Variants in WASF3 observed in about 807,000 individuals in gnomAD.
The protein encoded by WASF3 is actin-binding protein WASF3.
WASF3 carries 11 observed loss-of-function variants against 46.6 expected under a neutral mutation model. That is an observed-to-expected ratio of 0.24 (90% CI 0.15 to 0.39). The LOEUF (loss-of-function observed/expected upper bound fraction) is 0.39, where lower values mean the gene tolerates loss of function less well. WASF3 is among the 10% of genes least tolerant of loss of function. The pLI, the probability that WASF3 is intolerant of heterozygous loss-of-function variation, is 1.00. For missense variants in WASF3, 576 were observed against 669.8 expected (o/e 0.86, Z 1.55); for synonymous variants, 242 against 259.7 (o/e 0.93, Z 0.65).
intron 3 of WASF3, among the ~76,000 whole-genome samples, chr13:26,662,825 G>A (rs952159544): frequency 2.4e-4 from 36 of 152,222 alleles, no homozygotes; most frequent in Admixed American, 6.5e-4. Flanking sequence ...TTAAAAAACC[G>A]GGGAAAAAAG....
intron 2 of WASF3, among the ~76,000 whole-genome samples, chr13:26,628,810 G>A (rs1316470970): frequency 6.6e-6 from 1 of 152,176 alleles, no homozygotes; most frequent in Non-Finnish European, 1.5e-5. Flanking sequence ...AAGTTCCCCT[G>A]GGCTGTTGGT....
intron 7 of WASF3, among the ~76,000 whole-genome samples, chr13:26,677,826 G>A (rs1040521093): frequency 3.3e-5 from 5 of 152,166 alleles, no homozygotes; most frequent in Non-Finnish European, 1.5e-5. Context: ...GAACTTAATA[G>A]CTCCCATGAT....
chr13:26,664,423 A>G lies in WASF3; in HGVS notation c.134-605A>G, dbSNP rs112690719. Among the ~76,000 whole-genome samples the G allele has an allele frequency of 3.6e-3, 546 of 152,344 alleles. 1 individual carries two copies. Among genetic ancestry groups the G allele is most frequent in the Middle Eastern group, 6.8e-3 (2 of 292 alleles). On this transcript the variant is annotated intron_variant, in intron 3 of 9. Transcript: ENST00000335327. ...TTTTCAGAAATGTTACATTTTAAGA[A>G]AAGTGGGAGTTATATCTGGCACTCA... is the stretch of plus-strand genomic sequence containing the variant.
At chr13:26,625,850 C>T (rs1421998661) in intron 2 of WASF3, among the ~76,000 whole-genome samples, 1 of 152,010 alleles carries the variant, frequency 6.6e-6, no homozygotes, top group African/African-American at 2.4e-5. Flanking sequence ...GTGTGATAAG[C>T]TAAAAATGTA....
intron 1 of WASF3, among the ~76,000 whole-genome samples, chr13:26,600,703 C>G (rs927673842): frequency 1.2e-4 from 18 of 152,310 alleles, no homozygotes; most frequent in African/African-American, 3.9e-4. Flanking sequence ...GTTTTAGCTC[C>G]TCTTTCATGA....
intron 6 of WASF3, among the ~76,000 whole-genome samples, chr13:26,672,532 T>G (rs1279328585): frequency 6.6e-6 from 1 of 152,198 alleles, no homozygotes; most frequent in Non-Finnish European, 1.5e-5. Flanking sequence ...CTGCATGCAT[T>G]ACAAGCAGTC....
chr13:26,592,309 G>A (rs1880327300), intron 1 of WASF3, among the ~76,000 whole-genome samples: 1 of 152,124 alleles, frequency 6.6e-6, no homozygotes, highest in African/African-American at 2.4e-5. Context: ...TTGCGGGAGT[G>A]AATCTGTTTT....
upstream of WASF3, among the ~76,000 whole-genome samples, chr13:26,554,917 T>C (rs1290568375): frequency 6.6e-6 from 1 of 152,210 alleles, no homozygotes; most frequent in Admixed American, 6.5e-5. Flanking sequence ...ATGGCTGGAC[T>C]GAATTGTGAG....
rs1288827730 is a variant in WASF3, at chr13:26,681,245, A to G, written c.908A>G (p.Gln303Arg). 6.2e-7 allele frequency: 1 copy of G among 1,613,362 alleles called. No individual in the cohort carries two copies. The change falls in exon 8 of 10, where the codon CAG (glutamine) becomes CGG (arginine). Residue 303 changes from glutamine (Q) to arginine (R), a missense_variant. Gln to Arg is a conservative substitution (Grantham distance 43, BLOSUM62 1). Coordinates refer to ENST00000335327, the MANE Select transcript of WASF3 (RefSeq NM_006646.6). ...ARHMALNRPQ[Q>R]PPPPPPPQAP... ...CACATGGCCCTCAACAGACCTCAGC[A>G]GCCGCCCCCCCCGCCTCCCCCTCAG...
chr13:26,656,799 A>G (rs1040420712), intron 3 of WASF3, among the ~76,000 whole-genome samples: 5 of 152,148 alleles, frequency 3.3e-5, no homozygotes, highest in African/African-American at 1.2e-4. Flanking sequence ...ACTACCATAT[A>G]TAATCTATAG....
At chr13:26,586,366 C>T (rs749928519) in intron 1 of WASF3, among the ~76,000 whole-genome samples, 3 of 151,922 alleles carry the variant, frequency 2.0e-5, no homozygotes, top group Non-Finnish European at 4.4e-5. Flanking sequence ...AATGAGTATC[C>T]AGTTGTTATA....
intron 2 of WASF3, among the ~76,000 whole-genome samples, chr13:26,623,478 C>T (rs1881367988): frequency 6.6e-6 from 1 of 152,188 alleles, no homozygotes; most frequent in Non-Finnish European, 1.5e-5. Context: ...CAGCAAGATC[C>T]TCTGCTTCTG....
At chr13:26,635,393 T>G (rs1050533145) in intron 2 of WASF3, among the ~76,000 whole-genome samples, 4 of 152,232 alleles carry the variant, frequency 2.6e-5, no homozygotes, top group African/African-American at 9.6e-5. Context: ...TCGTCTAACC[T>G]TTTTTCAAGG....
chr13:26,611,031 C>CTTTTTTT (rs71080282), intron 1 of WASF3, among the ~76,000 whole-genome samples: 3 of 110,568 alleles, frequency 2.7e-5, no homozygotes, highest in Non-Finnish European at 3.5e-5. Context: ...TTACTTACTC[C>CTTTTTTT]TTTTTTTTTT....
Position 26,660,202 on chromosome 13 carries a change from T to TTTTTTTTTTTTTTTTTTTTTTTTTTTTA in WASF3, c.134-4825_134-4798dup, listed in dbSNP as rs1882587220. 1.8e-5 allele frequency among the ~76,000 whole-genome samples: 2 copies of TTTTTTTTTTTTTTTTTTTTTTTTTTTTA among 109,602 alleles called. 1 individual carries two copies. Among genetic ancestry groups the TTTTTTTTTTTTTTTTTTTTTTTTTTTTA allele is most frequent in the Non-Finnish European group, 3.6e-5 (2 of 56,130 alleles). The allele number at this position is 109,602 out of a possible 152,430, so 71.9% of individuals were successfully genotyped here. On this transcript the variant is annotated intron_variant, in intron 3 of 9. Coordinates refer to ENST00000335327, the MANE Select transcript of WASF3 (RefSeq NM_006646.6). ...CTTTTGTTTTTTGTTTGGTTTTTTT[T>TTTTTTTTTTTTTTTTTTTTTTTTTTTTA]TTTTTTTTTTTTTTTTTTTTTTTTT... is the stretch of plus-strand genomic sequence containing the variant.
At chr13:26,642,869 T>G (rs933832453) in intron 3 of WASF3, among the ~76,000 whole-genome samples, 3 of 152,156 alleles carry the variant, frequency 2.0e-5, no homozygotes, top group Admixed American at 6.5e-5. Flanking sequence ...AAATGAACCA[T>G]AGTATAAAGC....
intron 3 of WASF3, among the ~76,000 whole-genome samples, chr13:26,649,239 G>A (rs748397211): frequency 7.9e-5 from 12 of 152,126 alleles, no homozygotes; most frequent in South Asian, 2.1e-4. Flanking sequence ...ATTCTTTTAC[G>A]TACGTTGTCT....
At chr13:26,631,937 G>A (rs186641407) in intron 2 of WASF3, among the ~76,000 whole-genome samples, 1,629 of 152,262 alleles carry the variant, frequency 0.011, 18 homozygotes, top group South Asian at 0.017. Flanking sequence ...TGTAGCAATT[G>A]TGAATGGGAG....
chr13:26,647,826 A>G (rs1053129553), intron 3 of WASF3, among the ~76,000 whole-genome samples: 2 of 152,076 alleles, frequency 1.3e-5, no homozygotes, highest in African/African-American at 4.8e-5. Flanking sequence ...TTTAGCATAG[A>G]AACACACAAA....
Sources: allele counts gnomAD v4.1 joint callset (sites outside exome capture counted in the v4.1 genomes callset), GRCh38; gene constraint gnomAD v4.1.1; transcripts MANE v1.5; gene names NCBI Gene and HGNC (gene_info 2026-07-23, HGNC 2026-07-21).